The following FABP7 variants were observed in gnomAD, a reference collection of about 807,000 sequenced individuals.
FABP7 encodes fatty acid-binding protein, brain.
A neutral mutation model predicts 14.2 loss-of-function variants in FABP7; 13 were observed. The observed-to-expected ratio is 0.91, with a 90% CI of 0.59 to 1.45. The LOEUF (loss-of-function observed/expected upper bound fraction) is 1.45, where lower values mean the gene tolerates loss of function less well. Ranked by LOEUF, FABP7 falls within the 40% of genes most tolerant of loss-of-function variation. The probability of loss-of-function intolerance (pLI) is 0.00; values close to 1 mark genes in which losing one functional copy is unlikely to be tolerated. For synonymous variants in FABP7, 49 were observed against 51.4 expected (o/e 0.95, Z 0.20); for missense variants, 149 against 157.6 (o/e 0.95, Z 0.29).
the FABP7 span, among the ~76,000 whole-genome samples, chr6:122,756,921 G>A: frequency 6.6e-6 from 1 of 152,012 alleles, no homozygotes; most frequent in Non-Finnish European, 1.5e-5. Context: ...TTCCTTGTCT[G>A]GATCCTTCTA....
chr6:122,760,053 A>C, the FABP7 span, among the ~76,000 whole-genome samples: 1 of 151,846 alleles, frequency 6.6e-6, no homozygotes, highest in African/African-American at 2.4e-5. Flanking sequence ...CAGGAGGCGG[A>C]GGTTGCCACT....
the FABP7 span, among the ~76,000 whole-genome samples, chr6:122,764,768 C>A: frequency 6.6e-6 from 1 of 152,106 alleles, no homozygotes; most frequent in African/African-American, 2.4e-5. Context: ...GTCTTTTCTA[C>A]GAGTTGATGA....
At chr6:122,779,357 C>A (rs1780724206), upstream of FABP7, 1 of 168,304 alleles carries the variant, frequency 5.9e-6, no homozygotes, top group South Asian at 1.6e-4. Flanking sequence ...CATTGTGCAT[C>A]TTTTTTCTTT....
At chr6:122,783,388 C>T (rs1780842799) in intron 3 of FABP7, 1 of 984,534 alleles carries the variant, frequency 1.0e-6, no homozygotes, top group Non-Finnish European at 1.2e-6. Flanking sequence ...AACTCATTCA[C>T]TTTTAAAGCA....
At chr6:122,751,474 GT>G in the FABP7 span, among the ~76,000 whole-genome samples, 2 of 152,184 alleles carry the variant, frequency 1.3e-5, no homozygotes, top group Admixed American at 6.5e-5. Flanking sequence ...ATGCCGAGAA[GT>G]CTTCCTTTAA....
At chr6:122,762,097 T>C in the FABP7 span, among the ~76,000 whole-genome samples, 1 of 152,114 alleles carries the variant, frequency 6.6e-6, no homozygotes, top group Non-Finnish European at 1.5e-5. Context: ...AAAAAGAGAA[T>C]TTTAGACCAA....
upstream of FABP7, among the ~76,000 whole-genome samples, chr6:122,776,510 C>T (rs908562172): frequency 6.6e-6 from 1 of 151,986 alleles, no homozygotes. Flanking sequence ...TTACAAGAGG[C>T]TGGGAAGTGT....
the FABP7 span, among the ~76,000 whole-genome samples, chr6:122,758,984 A>G: frequency 6.6e-6 from 1 of 152,236 alleles, no homozygotes; most frequent in Non-Finnish European, 1.5e-5. Context: ...ACAATGCTCT[A>G]AAGAGTTACT....
At chr6:122,757,680 A>G in the FABP7 span, among the ~76,000 whole-genome samples, 58 of 152,066 alleles carry the variant, frequency 3.8e-4, no homozygotes, top group African/African-American at 1.4e-3. Flanking sequence ...GAAATACGTT[A>G]CTATATGTAG....
chr6:122,775,337 A>G (rs1458784940), upstream of FABP7, among the ~76,000 whole-genome samples: 1 of 84,564 alleles, frequency 1.2e-5, no homozygotes, highest in African/African-American at 2.9e-5. Context: ...AGAACTGAAT[A>G]GAGTACACAG....
At chr6:122,763,491 T>C in the FABP7 span, among the ~76,000 whole-genome samples, 1 of 152,192 alleles carries the variant, frequency 6.6e-6, no homozygotes, top group Admixed American at 6.5e-5. Flanking sequence ...AAGGACTTCA[T>C]GACTAAAATA....
upstream of FABP7, among the ~76,000 whole-genome samples, chr6:122,775,458 C>T (rs76338472): frequency 3.4e-3 from 512 of 152,168 alleles, 15 homozygotes; most frequent in East Asian, 0.051. Flanking sequence ...TGGATAACCA[C>T]ATGCAGAATA....
the FABP7 span, among the ~76,000 whole-genome samples, chr6:122,770,624 A>G: frequency 6.6e-6 from 1 of 152,176 alleles, no homozygotes; most frequent in Admixed American, 6.6e-5. Flanking sequence ...TTGTTTTTCA[A>G]TACAAAGTTC....
chr6:122,775,415 G>T (rs1780654946), upstream of FABP7, among the ~76,000 whole-genome samples: 1 of 152,118 alleles, frequency 6.6e-6, no homozygotes, highest in African/African-American at 2.4e-5. Context: ...CTGTGGAAAG[G>T]ACGGTCACTT....
chr6:122,778,143 GGCC>G (rs1780706348), upstream of FABP7, among the ~76,000 whole-genome samples: 1 of 151,962 alleles, frequency 6.6e-6, no homozygotes, highest in Non-Finnish European at 1.5e-5. Flanking sequence ...GTTTTCCCTG[GGCC>G]TCAGTTGCTC....
At chr6:122,750,573 C>T in the FABP7 span, among the ~76,000 whole-genome samples, 1 of 152,058 alleles carries the variant, frequency 6.6e-6, no homozygotes, top group Non-Finnish European at 1.5e-5. Flanking sequence ...GTTTGTTACC[C>T]ATGTCTTTGG....
At chr6:122,759,307 A>G in the FABP7 span, among the ~76,000 whole-genome samples, 3 of 152,222 alleles carry the variant, frequency 2.0e-5, no homozygotes, top group South Asian at 2.1e-4. Flanking sequence ...TGCAAATTCA[A>G]TTACAGAAAG....
intron 3 of FABP7, chr6:122,782,001 C>T: frequency 3.2e-6 from 3 of 929,720 alleles, no homozygotes; most frequent in Non-Finnish European, 3.8e-6. Context: ...CGCCTGCTGC[C>T]TCGGCCTCCC....
chr6:122,767,658 TC>T, the FABP7 span, among the ~76,000 whole-genome samples: 220 of 151,166 alleles, frequency 1.5e-3, 1 homozygote, highest in African/African-American at 4.9e-3. Context: ...TGCCTGTAAT[TC>T]CCCCACTTAG....
Sources: allele counts gnomAD v4.1 joint callset (sites outside exome capture counted in the v4.1 genomes callset), GRCh38; gene constraint gnomAD v4.1.1; transcripts MANE v1.5; gene names NCBI Gene and HGNC (gene_info 2026-07-23, HGNC 2026-07-21).